The following FNDC3B variants were observed in gnomAD, a reference collection of about 807,000 sequenced individuals.
FNDC3B encodes fibronectin type III domain-containing protein 3B.
In FNDC3B, 12 loss-of-function variants were observed where a neutral mutation model predicts 151.5. The observed-to-expected ratio is 0.08, with a 90% confidence interval of 0.05 to 0.13. The LOEUF (loss-of-function observed/expected upper bound fraction) is 0.13, where lower values mean the gene tolerates loss of function less well. Among genes scored for constraint, FNDC3B ranks in the 10% least tolerant of loss-of-function variants. The pLI is 1.00. For synonymous variants in FNDC3B, 528 were observed against 549.0 expected (o/e 0.96, Z 0.54); for missense variants, 1,214 against 1,505.3 (o/e 0.81, Z 3.20).
chr3:172,353,316 C>T (rs1576939632), intron 22 of FNDC3B, among the ~76,000 whole-genome samples: 1 of 152,150 alleles, frequency 6.6e-6, no homozygotes. Flanking sequence ...ACCGTCTCTA[C>T]CCCAGAGTGG....
rs537232021 is a variant in FNDC3B at position 172,079,033 on chromosome 3, A to G, written c.-28-33419A>G. 5.3e-5 allele frequency among the ~76,000 whole-genome samples: 8 copies of G among 152,290 alleles called. No individual in the cohort carries two copies. In the East Asian group the frequency reaches 1.2e-3, roughly 22 times the overall value. On this transcript the variant is annotated intron_variant, in intron 1 of 25. Transcript: ENST00000415807. Reference sequence around the variant, plus strand: ...GAGATAATAATTTAACTCACGCCCTATAGAAATTATGTATGCAGTAGGCCC... The same window carrying G: ...GAGATAATAATTTAACTCACGCCCTGTAGAAATTATGTATGCAGTAGGCCC...
intron 3 of FNDC3B, among the ~76,000 whole-genome samples, chr3:172,173,071 A>G (rs1303403201): frequency 6.6e-6 from 1 of 152,052 alleles, no homozygotes; most frequent in Non-Finnish European, 1.5e-5. Flanking sequence ...TGTTTTTCTC[A>G]AGGGAATTTC....
intron 3 of FNDC3B, among the ~76,000 whole-genome samples, chr3:172,152,881 A>C (rs1722301650): frequency 6.6e-6 from 1 of 152,096 alleles, no homozygotes; most frequent in Non-Finnish European, 1.5e-5. Context: ...TGGTATTGTC[A>C]TTGTCTCTTT....
At chr3:172,249,907 C>T (rs1358221403) in intron 5 of FNDC3B, among the ~76,000 whole-genome samples, 1 of 152,146 alleles carries the variant, frequency 6.6e-6, no homozygotes, top group Non-Finnish European at 1.5e-5. Context: ...TGCAGGGTAA[C>T]CATACATTTC....
chr3:172,300,873 T>C (rs1336462985), intron 9 of FNDC3B, among the ~76,000 whole-genome samples: 1 of 152,264 alleles, frequency 6.6e-6, no homozygotes, highest in Non-Finnish European at 1.5e-5. Context: ...GTGCACTGCC[T>C]AATGCACAGT....
At chr3:172,156,076 TG>T (rs888600376) in intron 3 of FNDC3B, among the ~76,000 whole-genome samples, 88 of 152,242 alleles carry the variant, frequency 5.8e-4, no homozygotes, top group African/African-American at 2.0e-3. Flanking sequence ...GCCATGTCAG[TG>T]GGGGGTGATC....
intron 13 of FNDC3B, 61 bp from the exon 14 acceptor site, chr3:172,333,027 CA>C: frequency 2.0e-6 from 2 of 1,010,662 alleles, no homozygotes; most frequent in South Asian, 2.5e-5. Context: ...ATCCTGTATT[CA>C]AAGGTATTTA....
At chr3:172,268,604 T>C (rs1272213098) in intron 6 of FNDC3B, among the ~76,000 whole-genome samples, 2 of 152,166 alleles carry the variant, frequency 1.3e-5, no homozygotes, top group Non-Finnish European at 2.9e-5. Context: ...ATCACAGCTC[T>C]CCGTGTAGCC....
chr3:172,044,052 C>T (rs1048452483), intron 1 of FNDC3B, among the ~76,000 whole-genome samples: 1 of 152,152 alleles, frequency 6.6e-6, no homozygotes, highest in African/African-American at 2.4e-5. Flanking sequence ...TAAAATTATT[C>T]TTTTACTCTC....
At chr3:172,377,118 T>C (rs1673377059) in intron 23 of FNDC3B, among the ~76,000 whole-genome samples, 6 of 152,238 alleles carry the variant, frequency 3.9e-5, no homozygotes, top group Admixed American at 3.9e-4. Context: ...AAATTCTGCT[T>C]ACCCCTAGGC....
Position 172,041,411 on chromosome 3 carries a change from C to CTCCTTCCTTCCT in FNDC3B, c.-29+1671_-29+1682dup, listed in dbSNP as rs10530673. ...TTTCTTTCTTTCTTTCTCCTTCTCT[C>CTCCTTCCTTCCT]TCCTTCCTTCCTTCCTTCCTTCCTT... On this transcript the variant is annotated intron_variant, in intron 1 of 25. Transcript: ENST00000415807. 4.3e-3 allele frequency among the ~76,000 whole-genome samples: 603 copies of CTCCTTCCTTCCT among 139,000 alleles called. 6 individuals carry two copies. The highest frequency in any genetic ancestry group is 0.014 in the South Asian group (61 of 4,228). 91.2% of individuals were successfully genotyped at this position (139,000 alleles called of 152,430 possible). A position where few individuals can be genotyped will look rare whatever the true frequency, so the allele number is the denominator to read the frequency against.
At chr3:172,105,625 A>G (rs1169371130) in intron 1 of FNDC3B, among the ~76,000 whole-genome samples, 2 of 150,836 alleles carry the variant, frequency 1.3e-5, no homozygotes, top group Non-Finnish European at 2.9e-5. Context: ...TTCTTAAAAA[A>G]AAAAAAAAAA....
intron 6 of FNDC3B, among the ~76,000 whole-genome samples, chr3:172,267,521 A>C (rs1023449133): frequency 1.3e-5 from 2 of 152,188 alleles, no homozygotes; most frequent in African/African-American, 4.8e-5. Flanking sequence ...ACTGTGCTGG[A>C]AATAGAAGTG....
At chr3:172,082,175 T>A (rs1185582010) in intron 1 of FNDC3B, among the ~76,000 whole-genome samples, 1 of 152,242 alleles carries the variant, frequency 6.6e-6, no homozygotes, top group Non-Finnish European at 1.5e-5. Context: ...AATTCTTTTG[T>A]GTATATGAAT....
chr3:172,075,806 A>G (rs960441156), intron 1 of FNDC3B, among the ~76,000 whole-genome samples: 2 of 151,912 alleles, frequency 1.3e-5, no homozygotes, highest in African/African-American at 2.4e-5. Context: ...AAGTTTCACA[A>G]ATCAATACTT....
Position 172,247,610 on chromosome 3 carries a change from C to T in FNDC3B, c.342C>T (p.Pro114=), listed in dbSNP as rs138657957. 8 of 1,614,162 alleles carry T rather than the reference C, an allele frequency of 5.0e-6. No homozygotes were observed. The highest frequency in any genetic ancestry group is 6.8e-6 in the Non-Finnish European group (8 of 1,180,014). Residue 114 remains proline (P), a synonymous_variant, in exon 5 of 26, where the codon CCC becomes CCT. Coordinates refer to ENST00000415807, the MANE Select transcript of FNDC3B (RefSeq NM_022763.4). ...QSPECYPPSY[P]SAMSPTHHLP... ...CTGAGTGTTATCCCCCAAGCTACCC[C>T]TCAGCCATGTCTCCAACCCATCATC...
chr3:172,359,014 G>GTGGTGATGGTGA (rs1560098685), intron 22 of FNDC3B, among the ~76,000 whole-genome samples: 8 of 129,422 alleles, frequency 6.2e-5, no homozygotes, highest in African/African-American at 2.4e-4. Flanking sequence ...GGTGGTGGTG[G>GTGGTGATGGTGA]TGGTGATGGT....
intron 6 of FNDC3B, among the ~76,000 whole-genome samples, chr3:172,256,433 A>G (rs13098977): frequency 0.016 from 2,458 of 152,366 alleles, 38 homozygotes; most frequent in Non-Finnish European, 0.026. Context: ...ATGTTCAAGG[A>G]CAGGAATGGA....
rs185947820 is a variant in FNDC3B at position 172,092,497 on chromosome 3, C to G, written c.-28-19955C>G. On this transcript the variant is annotated intron_variant, in intron 1 of 25. Transcript: ENST00000415807. ...GGAGGAAAGGCTGTTTGCCTGGAGTCTTTTTTGAGTATCTCTCAGAGAGGC... is the reference window on the plus strand; with the variant it reads ...GGAGGAAAGGCTGTTTGCCTGGAGTGTTTTTTGAGTATCTCTCAGAGAGGC... 9.2e-5 allele frequency among the ~76,000 whole-genome samples: 14 copies of G among 152,260 alleles called. No individual in the cohort carries two copies. The East Asian group carries it at 2.5e-3, about 27-fold the overall frequency.
Sources: allele counts gnomAD v4.1 joint callset (sites outside exome capture counted in the v4.1 genomes callset), GRCh38; gene constraint gnomAD v4.1.1; transcripts MANE v1.5; gene names NCBI Gene and HGNC (gene_info 2026-07-23, HGNC 2026-07-21).